Variants in RASL10B observed in about 807,000 individuals in gnomAD.
RASL10B encodes the protein RAS like family 10 member B.
In RASL10B, 10 loss-of-function variants were observed where a neutral mutation model predicts 20.7. The observed-to-expected ratio is 0.48, with a 90% confidence interval of 0.30 to 0.82. The LOEUF is 0.82. RASL10B is among the 40% of genes least tolerant of loss of function. The pLI, the probability that RASL10B is intolerant of heterozygous loss-of-function variation, is 0.07. For missense variants in RASL10B, 231 were observed against 295.4 expected (o/e 0.78, Z 1.60); for synonymous variants, 110 against 123.3 (o/e 0.89, Z 0.72).
chr17:35,741,665 G>A lies in RASL10B; in HGVS notation c.*360G>A. ...GGCCCCCACGTGTCTTCTCCAGAAT[G>A]TGTCTGTCTTTGCCTGGTGTCTTCC... On this transcript the variant is annotated 3_prime_UTR_variant, in exon 4 of 4. Coordinates refer to ENST00000603017, the MANE Select transcript of RASL10B (RefSeq NM_033315.4). The A allele has an allele frequency of 3.8e-6, 1 of 266,276 alleles. No homozygotes were observed. The highest frequency in any genetic ancestry group is 7.0e-6 in the Non-Finnish European group (1 of 142,234). The allele number at this position is 266,276 out of a possible 1,614,324, so 16.5% of individuals were successfully genotyped here.
Position 35,741,055 on chromosome 17 carries a change from C to T in RASL10B, c.362C>T (p.Thr121Met), listed in dbSNP as rs587713196. The T allele has an allele frequency of 1.2e-6, 2 of 1,606,378 alleles. No homozygotes were observed. The highest frequency in any genetic ancestry group is 1.1e-5 in the South Asian group (1 of 90,582). The stretch of plus-strand genomic sequence containing the variant: ...CACAGGGTGATCGGAACCTCAGAGA[C>T]GCCCATCATCATCGTGGGCAACAAG... ...LETRVIGTSE[T>M]PIIIVGNKRD... The change falls in exon 4 of 4, where the codon ACG (threonine) becomes ATG (methionine). Residue 121 changes from threonine to methionine, a missense_variant. Coordinates refer to ENST00000603017, the MANE Select transcript of RASL10B (RefSeq NM_033315.4).
At chr17:35,740,818 T>G (rs782177183) in intron 3 of RASL10B, among the ~76,000 whole-genome samples, 3 of 152,224 alleles carry the variant, frequency 2.0e-5, no homozygotes, top group Non-Finnish European at 4.4e-5. Flanking sequence ...CAGTAAACAT[T>G]TAAGCCTATG....
chr17:35,740,703 C>A (rs587710232), intron 3 of RASL10B, among the ~76,000 whole-genome samples, 170 bp downstream of exon 3: 1 of 152,350 alleles, frequency 6.6e-6, no homozygotes, highest in African/African-American at 2.4e-5. Context: ...TCTGTCAACT[C>A]ATGTTGGGAC....
Position 35,742,590 on chromosome 17 carries a change from A to G in RASL10B, c.*1285A>G, listed in dbSNP as rs146258572. 1 of 152,680 alleles carries G rather than the reference A, an allele frequency of 6.5e-6. No homozygotes were observed. Among genetic ancestry groups the G allele is most frequent in the East Asian group, 1.9e-4 (1 of 5,178 alleles). 9.5% of individuals were successfully genotyped at this position (152,680 alleles called of 1,614,324 possible). ...CGGAGCTGATCACTGTCAGTTTTGT[A>G]CCGATTTAGAAATAACAATAATAAT... On this transcript the variant is annotated 3_prime_UTR_variant, in exon 4 of 4. Transcript: ENST00000603017.
At chr17:35,740,374 T>C in intron 2 of RASL10B, 35 bp from the exon 3 acceptor site, 1 of 1,607,376 alleles carries the variant, frequency 6.2e-7, no homozygotes, top group Non-Finnish European at 8.5e-7. Flanking sequence ...CCCTCATGGC[T>C]GCTCTGACCC....
intron 1 of RASL10B, among the ~76,000 whole-genome samples, chr17:35,734,147 G>C (rs782301682): frequency 6.6e-6 from 1 of 152,224 alleles, no homozygotes; most frequent in Non-Finnish European, 1.5e-5. Context: ...TTATCTGGGT[G>C]TGGTGGCAGG....
intron 2 of RASL10B, among the ~76,000 whole-genome samples, chr17:35,738,748 C>T (rs1207008028): frequency 6.6e-6 from 1 of 152,118 alleles, no homozygotes; most frequent in Non-Finnish European, 1.5e-5. Context: ...TTAGGAACCC[C>T]CAGAGAGGAG....
intron 2 of RASL10B, among the ~76,000 whole-genome samples, chr17:35,736,539 A>G (rs1428067666): frequency 6.6e-6 from 1 of 152,186 alleles, no homozygotes; most frequent in Non-Finnish European, 1.5e-5. Flanking sequence ...TCTGCCCTGG[A>G]AGCAGTGAGG....
chr17:35,741,457 C>T lies in RASL10B; in HGVS notation c.*152C>T, dbSNP rs1321898439. On this transcript the variant is annotated 3_prime_UTR_variant, in exon 4 of 4. Coordinates refer to ENST00000603017, the MANE Select transcript of RASL10B (RefSeq NM_033315.4). ...ACGCACCTCCCGGTGAGAAGCAGAG[C>T]GCGAGAGGGAGCCCTCCGTAACTGC... 8.4e-7 allele frequency: 1 copy of T among 1,189,166 alleles called. No individual in the cohort carries two copies. Among genetic ancestry groups the T allele is most frequent in the African/African-American group, 1.6e-5 (1 of 61,874 alleles). 73.7% of individuals were successfully genotyped at this position (1,189,166 alleles called of 1,614,324 possible).
rs1555598223 is a variant in RASL10B at position 35,742,814 on chromosome 17, G to A, written c.*1509G>A. ...CTCCGCTTTGGCCAACCTAGCCAAGGCTGCAGCATATAGACCAGGAAATCA... is the reference window on the plus strand; with the variant it reads ...CTCCGCTTTGGCCAACCTAGCCAAGACTGCAGCATATAGACCAGGAAATCA... On this transcript the variant is annotated 3_prime_UTR_variant, in exon 4 of 4. Transcript: ENST00000603017. 1 of 152,270 alleles carries A rather than the reference G, an allele frequency of 6.6e-6. No individual in the cohort carries two copies. Among genetic ancestry groups the A allele is most frequent in the Non-Finnish European group, 1.5e-5 (1 of 68,076 alleles). The allele number at this position is 152,270 out of a possible 1,614,324, so 9.4% of individuals were successfully genotyped here. A position where few individuals can be genotyped will look rare whatever the true frequency, so the allele number is the denominator to read the frequency against.
Position 35,741,557 on chromosome 17 carries a change from C to G in RASL10B, c.*252C>G. The G allele has an allele frequency of 2.2e-6, 1 of 461,552 alleles. No individual in the cohort carries two copies. The highest frequency in any genetic ancestry group is 3.6e-6 in the Non-Finnish European group (1 of 281,594). The allele number at this position is 461,552 out of a possible 1,614,324, so 28.6% of individuals were successfully genotyped here. On this transcript the variant is annotated 3_prime_UTR_variant, in exon 4 of 4. Coordinates refer to ENST00000603017, the MANE Select transcript of RASL10B (RefSeq NM_033315.4). Reference sequence around the variant, plus strand: ...GCTGTATTTAGTGCAGTGCCCGGCCCGACCCGCGGGGGTGCCACAGCCTTT... The same window carrying G: ...GCTGTATTTAGTGCAGTGCCCGGCCGGACCCGCGGGGGTGCCACAGCCTTT...
In RASL10B at chr17:35,741,677, G is replaced by T. The variant is rs1555598011; in HGVS notation, c.*372G>T. On this transcript the variant is annotated 3_prime_UTR_variant, in exon 4 of 4. Coordinates refer to ENST00000603017, the MANE Select transcript of RASL10B (RefSeq NM_033315.4). ...TCTTCTCCAGAATGTGTCTGTCTTT[G>T]CCTGGTGTCTTCCTTTCCCGTGTCC... The T allele has an allele frequency of 2.1e-5, 5 of 238,902 alleles. No homozygotes were observed. The highest frequency in any genetic ancestry group is 4.0e-5 in the Non-Finnish European group (5 of 124,872). The allele number at this position is 238,902 out of a possible 1,614,324, so 14.8% of individuals were successfully genotyped here.
In RASL10B at chr17:35,735,450, G is replaced by A. The variant is rs782538086; in HGVS notation, c.216+50G>A. Reference sequence around the variant, plus strand: ...GTTAGTGGGGAAACGGATGGGTAGGGGAGAGGCTGGATTCCAAACTGCTGT... The same window carrying A: ...GTTAGTGGGGAAACGGATGGGTAGGAGAGAGGCTGGATTCCAAACTGCTGT... On this transcript the variant is annotated intron_variant, in intron 2 of 3. Coordinates refer to ENST00000603017, the MANE Select transcript of RASL10B (RefSeq NM_033315.4). This position sits in a 1 kb window ranked among gnomAD's most constrained non-coding sequence, Gnocchi z 6.7. The A allele has an allele frequency of 2.5e-6, 4 of 1,578,060 alleles. No homozygotes were observed. The South Asian group carries it at 3.3e-5, about 13-fold the overall frequency.
intron 2 of RASL10B, among the ~76,000 whole-genome samples, chr17:35,738,765 G>A (rs2085610813): frequency 6.6e-6 from 1 of 152,122 alleles, no homozygotes; most frequent in Non-Finnish European, 1.5e-5. Context: ...GGAGTGGGTG[G>A]GAGGAAGCCA....
Position 35,741,411 on chromosome 17 carries a change from C to T in RASL10B, c.*106C>T, listed in dbSNP as rs587755793. ...GCGGGAAATGGAACTGTGACGGTCCCGGCCTGAGGCCCCTGCAGCCACGCA... is the reference window on the plus strand; with the variant it reads ...GCGGGAAATGGAACTGTGACGGTCCTGGCCTGAGGCCCCTGCAGCCACGCA... On this transcript the variant is annotated 3_prime_UTR_variant, in exon 4 of 4. Coordinates refer to ENST00000603017, the MANE Select transcript of RASL10B (RefSeq NM_033315.4). The T allele has an allele frequency of 2.9e-5, 39 of 1,347,590 alleles. No homozygotes were observed. The African/African-American group carries it at 5.4e-4, about 19-fold the overall frequency. 83.5% of individuals were successfully genotyped at this position (1,347,590 alleles called of 1,614,324 possible).
In RASL10B at chr17:35,741,233, C is replaced by A. The variant is rs1053433312; in HGVS notation, c.540C>A (p.Ala180=). 1 of 1,606,360 alleles carries A rather than the reference C, an allele frequency of 6.2e-7. No homozygotes were observed. The highest frequency in any genetic ancestry group is 8.5e-7 in the Non-Finnish European group (1 of 1,176,840). Residue 180 remains alanine (A), a synonymous_variant, in exon 4 of 4, where the codon GCC becomes GCA. Transcript: ENST00000603017. The part of the protein sequence containing the change: ...FSELLKSVGC[A]RCKHVHAALR... ...AGCTGCTCAAGAGCGTCGGCTGCGC[C>A]CGTTGCAAGCACGTGCACGCTGCCC...
At chr17:35,740,250 C>T (rs1447598401) in intron 2 of RASL10B, among the ~76,000 whole-genome samples, 159 bp from the exon 3 acceptor site, 1 of 152,178 alleles carries the variant, frequency 6.6e-6, no homozygotes, top group Non-Finnish European at 1.5e-5. Context: ...GCTACAGCTC[C>T]TCCATTCTCC....
At chr17:35,738,763 T>G (rs370476637) in intron 2 of RASL10B, among the ~76,000 whole-genome samples, 36 of 151,924 alleles carry the variant, frequency 2.4e-4, no homozygotes, top group African/African-American at 8.5e-4. Context: ...GAGGAGTGGG[T>G]GGGAGGAAGC....
chr17:35,738,149 A>C (rs2085606258), intron 2 of RASL10B, among the ~76,000 whole-genome samples: 1 of 152,102 alleles, frequency 6.6e-6, no homozygotes. Flanking sequence ...GAAATTGAGC[A>C]TCTTTCATAG....
Sources: allele counts gnomAD v4.1 joint callset (sites outside exome capture counted in the v4.1 genomes callset), GRCh38; gene constraint gnomAD v4.1.1; non-coding constraint Gnocchi (gnomAD v3.1); transcripts MANE v1.5; gene names NCBI Gene and HGNC (gene_info 2026-07-23, HGNC 2026-07-21).